The following LTBP4 variants were observed in gnomAD, a reference collection of about 807,000 sequenced individuals.
The protein encoded by LTBP4 is latent transforming growth factor beta binding protein 4, also known as latent-transforming growth factor beta-binding protein 4.
A neutral mutation model predicts 180.2 loss-of-function variants in LTBP4; 93 were observed. The observed-to-expected ratio is 0.52, with a 90% CI of 0.44 to 0.61. The LOEUF is 0.61. Ranked by LOEUF, LTBP4 falls within the 20% of genes least tolerant of loss-of-function variation. LTBP4 has a pLI of 0.00. For synonymous variants in LTBP4, 947 were observed against 934.5 expected (o/e 1.01, Z -0.24); for missense variants, 2,116 against 2,256.5 (o/e 0.94, Z 1.26).
At chr19:40,597,430 C>T, upstream of LTBP4, 1 of 1,421,122 alleles carries the variant, frequency 7.0e-7, no homozygotes, top group Non-Finnish European at 9.2e-7. Context: ...GTCTGGTGGT[C>T]CAGGAGGACC....
upstream of LTBP4, chr19:40,597,263 GC>G: frequency 6.6e-7 from 1 of 1,510,100 alleles, no homozygotes; most frequent in South Asian, 1.2e-5. Context: ...AGCGGCCGCC[GC>G]CCCCTCCTGC....
At chr19:40,597,520 G>A, upstream of LTBP4, 3 of 999,040 alleles carry the variant, frequency 3.0e-6, no homozygotes, top group Non-Finnish European at 4.1e-6. Context: ...TTTATTAGGC[G>A]CCCTCAATTT....
chr19:40,625,304 A>ATT lies in LTBP4; in HGVS notation c.3833-552_3833-551insTT, dbSNP rs2081623984. ...TATATATATATATATATATATATAT[A>ATT]TATATATATATATTTTTTTTTTTAA... On this transcript the variant is annotated intron_variant, in intron 26 of 29. Transcript: ENST00000396819. Among the ~76,000 whole-genome samples, 11 of 13,646 alleles carry ATT rather than the reference A, an allele frequency of 8.1e-4. 1 individual carries two copies. The highest frequency in any genetic ancestry group is 1.3e-3 in the Non-Finnish European group (11 of 8,452). 9.0% of individuals were successfully genotyped at this position (13,646 alleles called of 152,430 possible). A position where few individuals can be genotyped will look rare whatever the true frequency, so the allele number is the denominator to read the frequency against.
chr19:40,627,687 TC>T lies in LTBP4; in HGVS notation c.4367-14del. On this transcript the variant is annotated splice_polypyrimidine_tract_variant and intron_variant, in intron 28 of 29. Transcript: ENST00000396819. ...AAGGCAGGGACCTCAAGTCATAGGGTCCCCGCATTTCCCACAGGTTCCCTGG... is the reference window on the plus strand; with the variant it reads ...AAGGCAGGGACCTCAAGTCATAGGGTCCCGCATTTCCCACAGGTTCCCTGG... 2 of 1,575,330 alleles carry T rather than the reference TC, an allele frequency of 1.3e-6. No homozygotes were observed. Among genetic ancestry groups the T allele is most frequent in the Non-Finnish European group, 8.6e-7 (1 of 1,162,252 alleles).
upstream of LTBP4, chr19:40,599,122 C>T (rs910311777): frequency 4.4e-5 from 61 of 1,392,338 alleles, no homozygotes; most frequent in Non-Finnish European, 6.0e-5. Context: ...TCTTGGTTTC[C>T]CCTCCCCGAT....
Position 40,627,746 on chromosome 19 carries a change from T to C in LTBP4, c.4408T>C (p.Cys1470Arg). Residue 1470 changes from cysteine (C) to arginine (R), a missense_variant, in exon 29 of 30, where the codon TGC becomes CGC. Coordinates refer to ENST00000396819, the MANE Select transcript of LTBP4 (RefSeq NM_001042545.2). ...CTACGAGGAGCTGGAGGCGGAGGAG[T>C]GCGGGATCCTGGACGGCTGCACCAA... ...EPYEELEAEE[C>R]GILDGCTNGR... 1 of 1,595,100 alleles carries C rather than the reference T, an allele frequency of 6.3e-7. No homozygotes were observed.
In LTBP4 at chr19:40,609,429, T is replaced by G. The variant is rs972138188; in HGVS notation, c.1427-101T>G. ...GGCTTGCTTGGGGAGGAGACATCCA[T>G]GAAGGTGTTTTATGGATGTCTCCGG... is the stretch of plus-strand genomic sequence containing the variant. On this transcript the variant is annotated intron_variant, in intron 9 of 29. Coordinates refer to ENST00000396819, the MANE Select transcript of LTBP4 (RefSeq NM_001042545.2). The surrounding 1 kb of genome is among the most constrained non-coding windows in gnomAD (Gnocchi z 4.9). 4 of 1,434,280 alleles carry G rather than the reference T, an allele frequency of 2.8e-6. No individual in the cohort carries two copies. Among genetic ancestry groups the G allele is most frequent in the Non-Finnish European group, 3.8e-6 (4 of 1,040,868 alleles). 88.8% of individuals were successfully genotyped at this position (1,434,280 alleles called of 1,614,324 possible).
At position 40,627,768 on chromosome 19, in the gene LTBP4, C is replaced by G; in HGVS notation, c.4430C>G (p.Thr1477Ser). 3 of 1,585,596 alleles carry G rather than the reference C, an allele frequency of 1.9e-6. No homozygotes were observed. The highest frequency in any genetic ancestry group is 2.6e-6 in the Non-Finnish European group (3 of 1,168,904). The change falls in exon 29 of 30, where the codon ACC (threonine) becomes AGC (serine). Residue 1477 changes from threonine (T) to serine (S), a missense_variant. Transcript: ENST00000396819. ...AEECGILDGCTNGRCVRVPEG... is the reference protein window; with the variant it reads ...AEECGILDGCSNGRCVRVPEG... ...GAGTGCGGGATCCTGGACGGCTGCACCAACGGCCGCTGCGTGCGCGTCCCC... is the reference window on the plus strand; with the variant it reads ...GAGTGCGGGATCCTGGACGGCTGCAGCAACGGCCGCTGCGTGCGCGTCCCC...
In LTBP4 at chr19:40,608,577, G is replaced by C. The variant is rs1483850037; in HGVS notation, c.1400G>C (p.Trp467Ser). ...PELPLPSIPA[W>S]TGPEIPESGP... is the part of the protein sequence containing the mutation. ...CTTCCCTTGCCCAGCATCCCTGCCT[G>C]GACTGGTCCTGAGATTCCTGAATCA... is the stretch of plus-strand genomic sequence containing the variant. Residue 467 changes from tryptophan to serine, a missense_variant, in exon 9 of 30, where the codon TGG (tryptophan) becomes TCG (serine). This residue lies in a region of LTBP4 where 877 missense variants were observed against 873.6 expected (regional missense o/e 1.00). Transcript: ENST00000396819. 1 of 1,599,782 alleles carries C rather than the reference G, an allele frequency of 6.3e-7. No homozygotes were observed. The highest frequency in any genetic ancestry group is 1.7e-5 in the Admixed American group (1 of 57,438).
In LTBP4 at chr19:40,606,216, CT is replaced by C; in HGVS notation, c.794-16del. ...CTGCCCACCTGTCCCTGGCCCACCC[CT>C]CTCCTCTCGCCACAGGGAACTCCGA... On this transcript the variant is annotated splice_polypyrimidine_tract_variant and intron_variant, in intron 4 of 29. Transcript: ENST00000396819. The C allele has an allele frequency of 6.4e-7, 1 of 1,574,712 alleles. No individual in the cohort carries two copies. The highest frequency in any genetic ancestry group is 8.6e-7 in the Non-Finnish European group (1 of 1,159,296).
At chr19:40,599,248 C>T (rs200001868), upstream of LTBP4, 68 of 1,613,520 alleles carry the variant, frequency 4.2e-5, no homozygotes, top group Admixed American at 5.0e-5. Context: ...GGAGCCGCTG[C>T]ATCCGAGGTG....
Position 40,610,557 on chromosome 19 carries a change from G to A in LTBP4, c.1710G>A (p.Pro570=). 1.3e-6 allele frequency: 2 copies of A among 1,591,684 alleles called. No homozygotes were observed. Residue 570 remains proline, a synonymous_variant, in exon 12 of 30, where the codon CCG becomes CCA. Coordinates refer to ENST00000396819, the MANE Select transcript of LTBP4 (RefSeq NM_001042545.2). ...CLDVDECHRV[P]PPCDLGRCEN... ...ATGTGGACGAGTGCCACCGCGTGCC[G>A]CCGCCGTGTGACCTCGGGCGCTGCG... is the stretch of plus-strand genomic sequence containing the variant.
In LTBP4 at chr19:40,611,860, T is replaced by A; in HGVS notation, c.2055T>A (p.Asp685Glu). 6.2e-7 allele frequency: 1 copy of A among 1,607,688 alleles called. No individual in the cohort carries two copies. Among genetic ancestry groups the A allele is most frequent in the Non-Finnish European group, 8.5e-7 (1 of 1,177,194 alleles). ...RSRGPGAPCQDVDECARSPPP... is the reference protein window; with the variant it reads ...RSRGPGAPCQEVDECARSPPP... Reference sequence around the variant, plus strand: ...CCTCATTGGTCCCCTCTGCCCCAGATGTGGATGAGTGTGCCCGAAGCCCCC... The same window carrying A: ...CCTCATTGGTCCCCTCTGCCCCAGAAGTGGATGAGTGTGCCCGAAGCCCCC... Residue 685 changes from aspartate (D) to glutamate (E), a missense_variant and splice_region_variant, in exon 14 of 30, where the codon GAT (aspartate) becomes GAA (glutamate). Asp to Glu is a conservative substitution (Grantham distance 45). Transcript: ENST00000396819. This position sits in a 1 kb window ranked among gnomAD's most constrained non-coding sequence, Gnocchi z 4.4.
rs755947450 is a variant in LTBP4, at chr19:40,611,992, CG to C, written c.2179+12del. ...CTGGCTCCGAGTGCGAGGGTGAGGC[CG>C]GGGAGGGAGGGAGGAGTGTGGATGG... is the stretch of plus-strand genomic sequence containing the variant. On this transcript the variant is annotated intron_variant, in intron 14 of 29. Coordinates refer to ENST00000396819, the MANE Select transcript of LTBP4 (RefSeq NM_001042545.2). This position sits in a 1 kb window ranked among gnomAD's most constrained non-coding sequence, Gnocchi z 4.4. 1 of 1,611,424 alleles carries C rather than the reference CG, an allele frequency of 6.2e-7. No homozygotes were observed. The highest frequency in any genetic ancestry group is 1.1e-5 in the South Asian group (1 of 90,718).
chr19:40,605,916 C>T lies in LTBP4; in HGVS notation c.793+85C>T, dbSNP rs187949826. 4.3e-3 allele frequency: 5,976 copies of T among 1,404,150 alleles called. 30 individuals are homozygous for T. Among genetic ancestry groups the T allele is most frequent in the Non-Finnish European group, 4.8e-3 (4,964 of 1,044,704 alleles). The allele number at this position is 1,404,150 out of a possible 1,614,324, so 87.0% of individuals were successfully genotyped here. On this transcript the variant is annotated intron_variant, in intron 4 of 29. Transcript: ENST00000396819. This position sits in a 1 kb window ranked among gnomAD's most constrained non-coding sequence, Gnocchi z 5.5. Reference sequence around the variant, plus strand: ...TCCTCCTACTCTGCCCTAGATAAACCCAGTTCACAAATTGTAGCCACGCCT... The same window carrying T: ...TCCTCCTACTCTGCCCTAGATAAACTCAGTTCACAAATTGTAGCCACGCCT...
In LTBP4 at chr19:40,613,477, C is replaced by G. The variant is rs1364693187; in HGVS notation, c.2505C>G (p.Ala835=). 1.3e-6 allele frequency: 2 copies of G among 1,593,234 alleles called. No individual in the cohort carries two copies. Among genetic ancestry groups the G allele is most frequent in the Admixed American group, 1.7e-5 (1 of 57,350 alleles). ...GCCTCAACACTGACGGCTCCTTTGC[C>G]TGTACTTGTGCCCCTGGCTACCGAC... ...GECLNTDGSF[A]CTCAPGYRPG... The change falls in exon 17 of 30, where the codon GCC becomes GCG. Residue 835 remains alanine, a synonymous_variant. Transcript: ENST00000396819. The surrounding 1 kb of genome is among the most constrained non-coding windows in gnomAD (Gnocchi z 5.0).
upstream of LTBP4, chr19:40,599,142 T>G (rs2081406637): frequency 1.3e-6 from 2 of 1,531,046 alleles, no homozygotes; most frequent in Non-Finnish European, 1.8e-6. Flanking sequence ...TTGCCCTCCT[T>G]TGCAGAGTTC....
chr19:40,622,790 G>C lies in LTBP4; in HGVS notation c.3484+123G>C. The C allele has an allele frequency of 5.6e-6, 8 of 1,433,336 alleles. No homozygotes were observed. Among genetic ancestry groups the C allele is most frequent in the Non-Finnish European group, 7.5e-6 (8 of 1,069,778 alleles). 88.8% of individuals were successfully genotyped at this position (1,433,336 alleles called of 1,614,324 possible). ...TGAGGTACTAGTACTGTCAGGGCAA[G>C]GGCGAGCTGCCAGGCAGGTGGGCAT... On this transcript the variant is annotated intron_variant, in intron 23 of 29. Transcript: ENST00000396819. This position sits in a 1 kb window ranked among gnomAD's most constrained non-coding sequence, Gnocchi z 5.1.
Position 40,625,288 on chromosome 19 carries a change from A to AAATATATATATATT in LTBP4, c.3833-569_3833-568insAATATATATATATT, listed in dbSNP as rs2081621508. On this transcript the variant is annotated intron_variant, in intron 26 of 29. Coordinates refer to ENST00000396819, the MANE Select transcript of LTBP4 (RefSeq NM_001042545.2). ...TATATATATATATATATATATATAT[A>AAATATATATATATT]TATATATATATATATATATATATAT... 3.2e-4 allele frequency among the ~76,000 whole-genome samples: 2 copies of AAATATATATATATT among 6,262 alleles called. 1 individual carries two copies. The highest frequency in any genetic ancestry group is 4.7e-3 in the African/African-American group (2 of 422). 4.1% of individuals were successfully genotyped at this position (6,262 alleles called of 152,430 possible). A position where few individuals can be genotyped will look rare whatever the true frequency, so the allele number is the denominator to read the frequency against.
Sources: gnomAD v4.1 joint callset for allele counts (sites outside exome capture counted in the v4.1 genomes callset) on GRCh38, gnomAD v4.1.1 for gene constraint, gnomAD v4.1.1 regional missense constraint, Gnocchi (gnomAD v3.1) non-coding constraint, MANE v1.5 for transcripts, NCBI Gene and HGNC (gene_info 2026-07-23, HGNC 2026-07-21) for gene names.